Variants in CSMD1 observed in about 807,000 individuals in gnomAD.
CSMD1 encodes CUB and sushi domain-containing protein 1.
A neutral mutation model predicts 417.5 loss-of-function variants in CSMD1; 213 were observed. The ratio of observed to expected loss-of-function variants is 0.51; its 90% CI spans 0.46 to 0.57. The LOEUF (loss-of-function observed/expected upper bound fraction) is 0.57, where lower values mean the gene tolerates loss of function less well. Ranked by LOEUF, CSMD1 falls within the 20% of genes least tolerant of loss-of-function variation. CSMD1 has a pLI of 0.00. For missense variants in CSMD1, 6,923 were observed against 4,529.7 expected (o/e 1.53, Z -15.17); for synonymous variants, 2,862 against 1,736.8 (o/e 1.65, Z -16.11).
intron 10 of CSMD1, among the ~76,000 whole-genome samples, chr8:3,547,671 C>A (rs140925751): frequency 6.6e-6 from 1 of 152,078 alleles, no homozygotes; most frequent in Non-Finnish European, 1.5e-5. Context: ...AAATATACTA[C>A]AACCTTTCTT....
At chr8:3,705,806 G>T (rs989767623) in intron 7 of CSMD1, among the ~76,000 whole-genome samples, 9 of 152,166 alleles carry the variant, frequency 5.9e-5, no homozygotes, top group Admixed American at 3.3e-4. Flanking sequence ...CAGATCTTGG[G>T]GTGAAGCAGA....
At chr8:4,626,573 G>C (rs1486188942) in intron 2 of CSMD1, among the ~76,000 whole-genome samples, 1 of 152,094 alleles carries the variant, frequency 6.6e-6, no homozygotes, top group Non-Finnish European at 1.5e-5. Context: ...GCTAGACTCA[G>C]GGCATGGAGC....
intron 2 of CSMD1, among the ~76,000 whole-genome samples, chr8:4,479,213 G>T (rs772972964): frequency 2.0e-5 from 3 of 152,160 alleles, no homozygotes; most frequent in Non-Finnish European, 4.4e-5. Context: ...GCCCTGAGAA[G>T]ATACCCCTGG....
At chr8:4,736,462 T>G (rs936172185) in intron 1 of CSMD1, among the ~76,000 whole-genome samples, 1 of 151,906 alleles carries the variant, frequency 6.6e-6, no homozygotes, top group Non-Finnish European at 1.5e-5. Context: ...GCCCCTCAGG[T>G]GGGCAAATAC....
chr8:3,952,750 T>C (rs973169413), intron 5 of CSMD1, among the ~76,000 whole-genome samples: 2 of 152,208 alleles, frequency 1.3e-5, no homozygotes, highest in African/African-American at 2.4e-5. Context: ...TATTGTATGT[T>C]ATGTTTATTT....
intron 26 of CSMD1, among the ~76,000 whole-genome samples, chr8:3,249,472 C>G (rs1800116350): frequency 6.6e-6 from 1 of 152,152 alleles, no homozygotes; most frequent in Non-Finnish European, 1.5e-5. Flanking sequence ...GATCCGCCCA[C>G]CTTGGCCTCC....
intron 3 of CSMD1, among the ~76,000 whole-genome samples, chr8:4,155,052 T>C (rs1313761841): frequency 6.6e-6 from 1 of 152,218 alleles, no homozygotes; most frequent in African/African-American, 2.4e-5. Context: ...CTGCAGAATT[T>C]GTCCTGTTCC....
At chr8:4,369,918 A>G (rs1473749854) in intron 3 of CSMD1, among the ~76,000 whole-genome samples, 1 of 152,166 alleles carries the variant, frequency 6.6e-6, no homozygotes, top group Non-Finnish European at 1.5e-5. Flanking sequence ...TATTTTATGC[A>G]TTTAAAGTTA....
chr8:4,742,187 C>T (rs1055993457), intron 1 of CSMD1, among the ~76,000 whole-genome samples: 34 of 151,192 alleles, frequency 2.2e-4, no homozygotes, highest in African/African-American at 6.1e-4. Flanking sequence ...CCCGCCACCA[C>T]GCCCGGCTAA....
intron 46 of CSMD1, among the ~76,000 whole-genome samples, chr8:3,100,827 A>G (rs1288154956): frequency 6.6e-6 from 1 of 152,196 alleles, no homozygotes; most frequent in Non-Finnish European, 1.5e-5. Flanking sequence ...AACTAAGATT[A>G]TTCTTAAAAG....
chr8:3,415,483 G>A lies in CSMD1; in HGVS notation c.1562-5878C>T, dbSNP rs188580569. Among the ~76,000 whole-genome samples the A allele has an allele frequency of 1.3e-3, 203 of 152,256 alleles. 1 individual carries two copies. The highest frequency in any genetic ancestry group is 0.011 in the Admixed American group (172 of 15,284). Reference sequence around the variant, plus strand: ...AGAGATTCTCTTGGCTCAGCCTCCTGCATATCTGGGATTATACGCATGCAT... The same window carrying A: ...AGAGATTCTCTTGGCTCAGCCTCCTACATATCTGGGATTATACGCATGCAT... On this transcript the variant is annotated intron_variant, in intron 12 of 69. Coordinates refer to ENST00000635120, the MANE Select transcript of CSMD1 (RefSeq NM_033225.6).
intron 57 of CSMD1, among the ~76,000 whole-genome samples, chr8:2,970,401 G>C (rs1266530564): frequency 3.3e-5 from 5 of 152,172 alleles, no homozygotes; most frequent in African/African-American, 1.2e-4. Context: ...GAGTGTCAGA[G>C]TCTCTGCTCT....
intron 7 of CSMD1, among the ~76,000 whole-genome samples, chr8:3,691,914 G>A (rs1216626679): frequency 4.6e-5 from 7 of 152,156 alleles, no homozygotes; most frequent in South Asian, 2.1e-4. Context: ...ATGTTTCACT[G>A]TGAAAACACA....
intron 49 of CSMD1, among the ~76,000 whole-genome samples, chr8:3,075,799 T>C (rs959903859): frequency 2.0e-5 from 3 of 149,350 alleles, no homozygotes; most frequent in Admixed American, 1.3e-4. Context: ...CTCAGCACTT[T>C]GGGAGGCCAA....
intron 5 of CSMD1, among the ~76,000 whole-genome samples, chr8:3,790,482 A>G (rs1358651074): frequency 6.6e-6 from 1 of 152,164 alleles, no homozygotes; most frequent in Non-Finnish European, 1.5e-5. Context: ...GATGCTAATG[A>G]TGATGGTGAG....
chr8:3,672,157 G>T (rs930355065), intron 7 of CSMD1, among the ~76,000 whole-genome samples: 1 of 152,132 alleles, frequency 6.6e-6, no homozygotes, highest in Non-Finnish European at 1.5e-5. Flanking sequence ...TTTCTAGTGT[G>T]AAATCTCTTT....
intron 5 of CSMD1, among the ~76,000 whole-genome samples, chr8:3,817,453 G>A (rs1329678767): frequency 6.6e-6 from 1 of 151,334 alleles, no homozygotes; most frequent in Non-Finnish European, 1.5e-5. Context: ...GCTCATTTTT[G>A]TGTTTTTAGT....
intron 1 of CSMD1, among the ~76,000 whole-genome samples, chr8:4,959,666 G>C (rs12155630): frequency 0.26 from 40,015 of 152,152 alleles, 6,504 homozygotes; most frequent in East Asian, 0.4. Flanking sequence ...GTATTATCTA[G>C]CTTGTCTAAC....
intron 7 of CSMD1, among the ~76,000 whole-genome samples, chr8:3,625,406 G>T (rs1317362706): frequency 1.3e-5 from 2 of 149,612 alleles, no homozygotes; most frequent in East Asian, 1.9e-4. Flanking sequence ...TTATTACATT[G>T]CCAGATTTTT....
Sources: gnomAD v4.1 joint callset for allele counts (sites outside exome capture counted in the v4.1 genomes callset) on GRCh38, gnomAD v4.1.1 for gene constraint, MANE v1.5 for transcripts, NCBI Gene and HGNC (gene_info 2026-07-23, HGNC 2026-07-21) for gene names.